Variants in CRB1 observed in about 807,000 individuals in gnomAD.
CRB1 encodes crumbs cell polarity complex component 1.
Under a neutral mutation model 120.0 loss-of-function variants are expected in CRB1, and 83 were observed. That is an observed-to-expected ratio of 0.69 (90% CI 0.58 to 0.83). CRB1 has a LOEUF of 0.83. Among genes scored for constraint, CRB1 ranks in the 40% least tolerant of loss-of-function variants. The pLI is 0.00. For missense variants in CRB1, 1,699 were observed against 1,687.6 expected (o/e 1.01, Z -0.12); for synonymous variants, 625 against 612.5 (o/e 1.02, Z -0.30).
the CRB1 span, among the ~76,000 whole-genome samples, chr1:197,205,763 A>G: frequency 1.3e-5 from 2 of 152,260 alleles, no homozygotes; most frequent in Non-Finnish European, 2.9e-5. Context: ...CTGGCTTCAT[A>G]GAATTATTTA....
At chr1:197,304,056 TA>T (rs1657029968) in intron 1 of CRB1, among the ~76,000 whole-genome samples, 1 of 152,178 alleles carries the variant, frequency 6.6e-6, no homozygotes, top group African/African-American at 2.4e-5. Flanking sequence ...AGTTATACTC[TA>T]AAGATCTTTC....
chr1:197,344,539 C>T (rs1381387015), intron 3 of CRB1, 63 bp downstream of exon 3: 2 of 1,497,654 alleles, frequency 1.3e-6, no homozygotes, highest in Non-Finnish European at 1.9e-6. Context: ...TATTTTACCA[C>T]TCTGTTGAAT....
chr1:197,347,994 G>C (rs58914518), intron 4 of CRB1, among the ~76,000 whole-genome samples: 4,210 of 152,300 alleles, frequency 0.028, 188 homozygotes, highest in African/African-American at 0.095. Flanking sequence ...ATAGAAAACA[G>C]TATGTAACAT....
intron 2 of CRB1, among the ~76,000 whole-genome samples, chr1:197,339,319 A>G (rs920333710): frequency 1.5e-4 from 23 of 152,338 alleles, no homozygotes; most frequent in Admixed American, 5.2e-4. Flanking sequence ...CTGTAAATCT[A>G]TCACTATAAT....
At chr1:197,269,518 AT>A (rs971281248) in intron 1 of CRB1, among the ~76,000 whole-genome samples, 7 of 152,138 alleles carry the variant, frequency 4.6e-5, no homozygotes, top group African/African-American at 9.6e-5. Flanking sequence ...CTCACAAAAG[AT>A]TTTTTTTCAT....
intron 11 of CRB1, among the ~76,000 whole-genome samples, chr1:197,474,160 G>T (rs1667104315): frequency 6.6e-6 from 1 of 152,164 alleles, no homozygotes; most frequent in Non-Finnish European, 1.5e-5. Flanking sequence ...GTGTATTTGA[G>T]AACTTCCTAT....
chr1:197,245,897 C>T, the CRB1 span, among the ~76,000 whole-genome samples: 1 of 152,034 alleles, frequency 6.6e-6, no homozygotes, highest in Admixed American at 6.6e-5. Flanking sequence ...AAAAGGAATG[C>T]CTTATTATTG....
chr1:197,344,493 G>T lies in CRB1; in HGVS notation c.848+17G>T, dbSNP rs1553251336. ...AGAAAACAGGTACATTTTCTCTGGC[G>T]TTGGGTGATTGGCTTAGAACTCCCT... On this transcript the variant is annotated intron_variant, in intron 3 of 11. Transcript: ENST00000367400. The T allele has an allele frequency of 1.9e-6, 3 of 1,611,180 alleles. No individual in the cohort carries two copies. Among genetic ancestry groups the T allele is most frequent in the South Asian group, 2.2e-5 (2 of 91,012 alleles).
At chr1:197,217,826 A>G in the CRB1 span, among the ~76,000 whole-genome samples, 1 of 152,340 alleles carries the variant, frequency 6.6e-6, no homozygotes, top group South Asian at 2.1e-4. Flanking sequence ...TATGAACTAT[A>G]TCTCAAAACA....
At chr1:197,453,873 A>G (rs926328113) in intron 11 of CRB1, among the ~76,000 whole-genome samples, 2 of 141,374 alleles carry the variant, frequency 1.4e-5, no homozygotes, top group Non-Finnish European at 1.5e-5. Flanking sequence ...TAATATTATT[A>G]ATAATATATA....
intron 5 of CRB1, among the ~76,000 whole-genome samples, chr1:197,387,948 AGTAT>A (rs1207857534): frequency 6.6e-6 from 1 of 151,840 alleles, no homozygotes; most frequent in African/African-American, 2.4e-5. Context: ...ACTGAGTATT[AGTAT>A]GTATTTATAT....
At chr1:197,455,393 T>C (rs1055646375) in intron 11 of CRB1, among the ~76,000 whole-genome samples, 10 of 152,212 alleles carry the variant, frequency 6.6e-5, no homozygotes, top group Admixed American at 6.5e-4. Flanking sequence ...CAGTTCCATC[T>C]ATGAAAAATA....
At chr1:197,434,216 G>A (rs12239662) in intron 8 of CRB1, among the ~76,000 whole-genome samples, 12,567 of 152,104 alleles carry the variant, frequency 0.083, 1,692 homozygotes, top group African/African-American at 0.28. Context: ...CTACTCATCA[G>A]CTTAATCAGA....
intron 5 of CRB1, among the ~76,000 whole-genome samples, chr1:197,365,623 CTTCTT>C (rs1405420528): frequency 1.6e-4 from 20 of 128,372 alleles, no homozygotes; most frequent in African/African-American, 8.1e-4. Flanking sequence ...TCTTCTTCTT[CTTCTT>C]TTTTTTTTTT....
intron 1 of CRB1, among the ~76,000 whole-genome samples, chr1:197,288,953 A>G (rs1490762661): frequency 6.7e-6 from 1 of 149,808 alleles, no homozygotes; most frequent in Non-Finnish European, 1.5e-5. Context: ...AAAAGGATGA[A>G]AACTATGAAT....
intron 5 of CRB1, among the ~76,000 whole-genome samples, chr1:197,415,834 G>A (rs1175749335): frequency 1.3e-5 from 2 of 151,386 alleles, no homozygotes; most frequent in South Asian, 2.1e-4. Flanking sequence ...AATAGAGATG[G>A]GGTTTCACCG....
chr1:197,280,779 G>A (rs1253531278), intron 1 of CRB1, among the ~76,000 whole-genome samples: 2 of 151,862 alleles, frequency 1.3e-5, no homozygotes, highest in Non-Finnish European at 2.9e-5. Context: ...ATATTTCACT[G>A]TTAATTGTTC....
intron 1 of CRB1, among the ~76,000 whole-genome samples, chr1:197,311,401 G>A (rs1275995242): frequency 2.0e-5 from 3 of 152,188 alleles, no homozygotes; most frequent in Admixed American, 1.3e-4. Context: ...ACATTTGAGA[G>A]ATGTTGATCG....
At chr1:197,403,929 A>G (rs1663197033) in intron 5 of CRB1, among the ~76,000 whole-genome samples, 1 of 152,188 alleles carries the variant, frequency 6.6e-6, no homozygotes, top group African/African-American at 2.4e-5. Flanking sequence ...GCTCCACCTC[A>G]GATACATAGT....
Sources: gnomAD v4.1 joint callset for allele counts (sites outside exome capture counted in the v4.1 genomes callset) on GRCh38, gnomAD v4.1.1 for gene constraint, MANE v1.5 for transcripts, NCBI Gene and HGNC (gene_info 2026-07-23, HGNC 2026-07-21) for gene names.